OR1S2: variants seen among roughly 807,000 people sequenced by gnomAD.
OR1S2 encodes olfactory receptor family 1 subfamily S member 2, also known as olfactory receptor 1S2.
Under a neutral mutation model 1.7 loss-of-function variants are expected in OR1S2, and 1 was observed. That is an observed-to-expected ratio of 0.59 (90% CI 0.21 to 2.81). The LOEUF (loss-of-function observed/expected upper bound fraction) is 2.81, where lower values mean the gene tolerates loss of function less well. OR1S2 is among the 30% of genes most tolerant of loss of function. The probability of loss-of-function intolerance (pLI) is 0.22; values close to 1 mark genes in which losing one functional copy is unlikely to be tolerated. For synonymous variants in OR1S2, 157 were observed against 145.3 expected (o/e 1.08, Z -0.58); for missense variants, 391 against 371.6 (o/e 1.05, Z -0.43).
At chr11:58,203,551 C>G in exon 1 of OR1S2, 1 of 1,614,128 alleles carries the variant, frequency 6.2e-7, no homozygotes, top group Non-Finnish European at 8.5e-7. Context: ...ATAAACAACA[C>G]AAGCTCATTG....
rs866546188 is a variant in OR1S2, at chr11:58,203,770, C to T, written c.373G>A (p.Ala125Thr). The T allele has an allele frequency of 3.1e-6, 5 of 1,613,920 alleles. No homozygotes were observed. In the African/African-American group the frequency reaches 4.0e-5, roughly 13 times the overall value. Residue 125 changes from alanine to threonine, a missense_variant, in exon 1 of 1, where the codon GCG becomes ACG. Coordinates refer to ENST00000641683, the Ensembl canonical transcript of OR1S2. ...GTATAGTTCAGAGGGTGGCAGATCGCCACAAAGTGGTCGAAGGCCATGGTC... is the reference window on the plus strand; with the variant it reads ...GTATAGTTCAGAGGGTGGCAGATCGTCACAAAGTGGTCGAAGGCCATGGTC...
At chr11:58,203,615 G>A (rs149451220) in exon 1 of OR1S2, 111 of 1,614,076 alleles carry the variant, frequency 6.9e-5, no homozygotes, top group Non-Finnish European at 9.3e-5. Flanking sequence ...CACAGAAGAA[G>A]TGTGGGAGAG....
chr11:58,203,676 G>T, exon 1 of OR1S2: 1 of 1,614,156 alleles, frequency 6.2e-7, no homozygotes, highest in Non-Finnish European at 8.5e-7. Flanking sequence ...GTGTGTAAGA[G>T]CAATAATATT....
exon 1 of OR1S2, chr11:58,203,495 G>A (rs138762515): frequency 6.7e-5 from 108 of 1,611,608 alleles, no homozygotes; most frequent in Middle Eastern, 3.3e-4. Flanking sequence ...AGACATAGGA[G>A]AAGAAGATGA....
At chr11:58,203,608 A>C in exon 1 of OR1S2, 1 of 1,614,144 alleles carries the variant, frequency 6.2e-7, no homozygotes, top group Non-Finnish European at 8.5e-7. Context: ...GCCAAGTCAC[A>C]GAAGAAGTGT....
rs1358577230 is a variant in OR1S2 at position 58,203,759 on chromosome 11, G to T, written c.384C>A (p.His128Gln). 1.9e-6 allele frequency: 3 copies of T among 1,614,080 alleles called. No homozygotes were observed. In the South Asian group the frequency reaches 3.3e-5, roughly 18 times the overall value. ...GCATGAAAGTTGTATAGTTCAGAGG[G>T]TGGCAGATCGCCACAAAGTGGTCGA... The change falls in exon 1 of 1, where the codon CAC (histidine) becomes CAA (glutamine). Residue 128 changes from histidine to glutamine, a missense_variant. By Grantham distance (24) the His-to-Gln change is conservative. Coordinates refer to ENST00000641683, the Ensembl canonical transcript of OR1S2.
In OR1S2 at chr11:58,203,968, TG is replaced by T. The variant is rs746741908; in HGVS notation, c.174del (p.Met59CysfsTer25). On this transcript the variant is annotated frameshift_variant, in exon 1 of 1. Coordinates refer to ENST00000641683, the Ensembl canonical transcript of OR1S2. LOFTEE classifies it low-confidence loss of function (END_TRUNC). Reference sequence around the variant, plus strand: ...GATAGGTAGGCAAGGAAGAGATACATGGGGGTGTGAAGGTATATATCCAAGC... The same window carrying T: ...GATAGGTAGGCAAGGAAGAGATACATGGGGTGTGAAGGTATATATCCAAGC... 5 of 1,613,978 alleles carry T rather than the reference TG, an allele frequency of 3.1e-6. No individual in the cohort carries two copies. The South Asian group carries it at 5.5e-5, about 18-fold the overall frequency.
exon 1 of OR1S2, chr11:58,203,626 T>A: frequency 6.2e-7 from 1 of 1,612,960 alleles, no homozygotes; most frequent in South Asian, 1.1e-5. Flanking sequence ...TGTGGGAGAG[T>A]GTTGTGGTCA....
chr11:58,203,767 T>G, exon 1 of OR1S2: 1 of 1,614,004 alleles, frequency 6.2e-7, no homozygotes, highest in Non-Finnish European at 8.5e-7. Flanking sequence ...GGGTGGCAGA[T>G]CGCCACAAAG....
chr11:58,203,709 G>A (rs1181987227), exon 1 of OR1S2: 12 of 1,614,002 alleles, frequency 7.4e-6, no homozygotes, highest in Non-Finnish European at 9.3e-6. Context: ...CGAGATGACT[G>A]TGAGCAAAGT....
exon 1 of OR1S2, chr11:58,203,365 A>G: frequency 6.2e-7 from 1 of 1,614,014 alleles, no homozygotes; most frequent in African/African-American, 1.3e-5. Flanking sequence ...GAGGGGAAAA[A>G]GTACACGCCT....
chr11:58,203,858 C>T, exon 1 of OR1S2: 4 of 1,614,088 alleles, frequency 2.5e-6, no homozygotes, highest in South Asian at 2.2e-5. Context: ...TGATGCAGCT[C>T]TCATAAGAGA....
exon 1 of OR1S2, chr11:58,203,678 A>G (rs1307660107): frequency 6.2e-7 from 1 of 1,614,184 alleles, no homozygotes; most frequent in Non-Finnish European, 8.5e-7. Flanking sequence ...GTGTAAGAGC[A>G]ATAATATTAC....
chr11:58,203,782 C>T lies in OR1S2; in HGVS notation c.361G>A (p.Asp121Asn), dbSNP rs112423118. The change falls in exon 1 of 1, where the codon GAC becomes AAC. Residue 121 changes from aspartate (D) to asparagine (N), a missense_variant. By Grantham distance (23) the Asp-to-Asn change is conservative (BLOSUM62 1). Coordinates refer to ENST00000641683, the Ensembl canonical transcript of OR1S2. ...GGGTGGCAGATCGCCACAAAGTGGT[C>T]GAAGGCCATGGTCCCCAAAAGCAAA... 1.1e-5 allele frequency: 17 copies of T among 1,613,866 alleles called. No homozygotes were observed. Among genetic ancestry groups the T allele is most frequent in the African/African-American group, 8.0e-5 (6 of 74,860 alleles).
At chr11:58,203,665 T>A in exon 1 of OR1S2, 1 of 1,613,518 alleles carries the variant, frequency 6.2e-7, no homozygotes, top group Non-Finnish European at 8.5e-7. Context: ...AGCAGAAGGG[T>A]GTGTGTAAGA....
At chr11:58,203,548 A>T (rs773302297) in exon 1 of OR1S2, 1 of 1,614,046 alleles carries the variant, frequency 6.2e-7, no homozygotes, top group Admixed American at 1.7e-5. Context: ...ACAATAAACA[A>T]CACAAGCTCA....
chr11:58,203,435 T>G lies in OR1S2; in HGVS notation c.708A>C (p.Lys236Asn), dbSNP rs151063044. Reference sequence around the variant, plus strand: ...GGTGAGAGCCACAAGTGGAGAAGGCTTTCCACTTTCCCTGTGTGGATGATA... The same window carrying G: ...GGTGAGAGCCACAAGTGGAGAAGGCGTTCCACTTTCCCTGTGTGGATGATA... The change falls in exon 1 of 1, where the codon AAA becomes AAC. Residue 236 changes from lysine (K) to asparagine (N), a missense_variant. By Grantham distance (94) the Lys-to-Asn change is moderately conservative. Transcript: ENST00000641683. 23 of 1,613,856 alleles carry G rather than the reference T, an allele frequency of 1.4e-5. No homozygotes were observed. The African/African-American group carries it at 2.8e-4, about 20-fold the overall frequency.
In OR1S2 at chr11:58,203,733, C is replaced by T. The variant is rs1394739247; in HGVS notation, c.410G>A (p.Arg137Gln). 8 of 1,613,806 alleles carry T rather than the reference C, an allele frequency of 5.0e-6. No individual in the cohort carries two copies. The highest frequency in any genetic ancestry group is 1.6e-4 in the Middle Eastern group (1 of 6,084). Residue 137 changes from arginine (R) to glutamine (Q), a missense_variant, in exon 1 of 1, where the codon CGG becomes CAG. Physicochemically the swap from Arg to Gln is conservative, Grantham distance 43. Transcript: ENST00000641683. ...TGTGAGCAAAGTGCCGAACCTGGCCCGCATGAAAGTTGTATAGTTCAGAGG... is the reference window on the plus strand; with the variant it reads ...TGTGAGCAAAGTGCCGAACCTGGCCTGCATGAAAGTTGTATAGTTCAGAGG...
At chr11:58,203,449 G>T (rs1245274396) in exon 1 of OR1S2, 1 of 1,613,996 alleles carries the variant, frequency 6.2e-7, no homozygotes, top group South Asian at 1.1e-5. Context: ...CACTTTCCCT[G>T]TGTGGATGAT....
Sources: allele counts gnomAD v4.1 joint callset, GRCh38; gene constraint gnomAD v4.1.1; transcripts MANE v1.5; gene names NCBI Gene and HGNC (gene_info 2026-07-23, HGNC 2026-07-21).